The following SGCZ variants were observed in gnomAD, a reference collection of about 807,000 sequenced individuals.
SGCZ encodes zeta-sarcoglycan.
Under a neutral mutation model 41.3 loss-of-function variants are expected in SGCZ, and 40 were observed. The observed-to-expected ratio is 0.97, with a 90% CI of 0.75 to 1.26. The LOEUF is 1.26. Among genes scored for constraint, SGCZ ranks in the 50% most tolerant of loss-of-function variants. The probability of loss-of-function intolerance (pLI) is 0.00; values close to 1 mark genes in which losing one functional copy is unlikely to be tolerated. For synonymous variants in SGCZ, 206 were observed against 137.5 expected, an observed-to-expected ratio of 1.50 and a Z score of -3.49; for missense variants, 552 against 369.8, an observed-to-expected ratio of 1.49 and a Z score of -4.04.
chr8:14,548,825 T>G (rs1353695357), intron 2 of SGCZ, among the ~76,000 whole-genome samples: 2 of 152,136 alleles, frequency 1.3e-5, no homozygotes, highest in African/African-American at 2.4e-5. Flanking sequence ...GGTCAACAAT[T>G]TTCTCAAGAA....
At chr8:14,218,027 A>G (rs898519945) in intron 4 of SGCZ, among the ~76,000 whole-genome samples, 1 of 152,176 alleles carries the variant, frequency 6.6e-6, no homozygotes, top group Non-Finnish European at 1.5e-5. Flanking sequence ...ACATTTTACC[A>G]AAGGGTAAAA....
At chr8:14,554,622 C>T (rs1424045153) in intron 2 of SGCZ, 110 bp downstream of exon 2, 2 of 892,344 alleles carry the variant, frequency 2.2e-6, no homozygotes, top group African/African-American at 1.7e-5. Context: ...TTTAAAAACA[C>T]ACACTTGTAA....
At chr8:14,261,718 T>G (rs183728374) in intron 3 of SGCZ, among the ~76,000 whole-genome samples, 1 of 152,272 alleles carries the variant, frequency 6.6e-6, no homozygotes, top group African/African-American at 2.4e-5. Flanking sequence ...ATCAAACCAT[T>G]CTCACGCTGA....
intron 1 of SGCZ, among the ~76,000 whole-genome samples, chr8:15,040,405 G>C (rs1234021052): frequency 6.6e-6 from 1 of 152,130 alleles, no homozygotes; most frequent in Non-Finnish European, 1.5e-5. Context: ...ACCTGAGGTA[G>C]GAATTCAAGA....
chr8:14,741,083 G>A (rs973338409), intron 1 of SGCZ, among the ~76,000 whole-genome samples: 5 of 152,008 alleles, frequency 3.3e-5, no homozygotes, highest in African/African-American at 1.2e-4. Flanking sequence ...TTGTAAAACT[G>A]CAGTAACTAG....
intron 2 of SGCZ, among the ~76,000 whole-genome samples, chr8:14,428,545 C>T (rs1437693735): frequency 6.6e-6 from 1 of 152,134 alleles, no homozygotes; most frequent in African/African-American, 2.4e-5. Flanking sequence ...TTGGTTATGA[C>T]CATCATATCA....
intron 1 of SGCZ, among the ~76,000 whole-genome samples, chr8:14,977,918 C>T (rs7000841): frequency 0.38 from 55,796 of 145,290 alleles, 11,161 homozygotes; most frequent in Non-Finnish European, 0.44. Context: ...CACATATATA[C>T]ACACACATAT....
At chr8:15,165,830 G>T (rs574876960) in intron 1 of SGCZ, among the ~76,000 whole-genome samples, 13 of 152,278 alleles carry the variant, frequency 8.5e-5, no homozygotes, top group Middle Eastern at 3.4e-3. Flanking sequence ...GAGCTTCTCC[G>T]TGTGAACATA....
chr8:14,280,075 A>G (rs1025269820), intron 3 of SGCZ, among the ~76,000 whole-genome samples: 43 of 151,972 alleles, frequency 2.8e-4, no homozygotes, highest in African/African-American at 9.7e-4. Context: ...TTTTGTTCAA[A>G]TGGGATTAAG....
intron 1 of SGCZ, among the ~76,000 whole-genome samples, chr8:14,975,367 C>T (rs952068787): frequency 2.6e-5 from 4 of 152,206 alleles, no homozygotes; most frequent in Admixed American, 1.3e-4. Flanking sequence ...TGTGTAGCAG[C>T]GTTCCATCGA....
chr8:14,263,699 G>T (rs777460032), intron 3 of SGCZ, among the ~76,000 whole-genome samples: 2 of 152,050 alleles, frequency 1.3e-5, no homozygotes, highest in East Asian at 1.9e-4. Flanking sequence ...AAGTGCCAAG[G>T]TACCCTCACA....
chr8:15,031,066 C>CGT (rs148879486), intron 1 of SGCZ, among the ~76,000 whole-genome samples: 160 of 149,674 alleles, frequency 1.1e-3, no homozygotes, highest in East Asian at 3.9e-3. Context: ...TCATATTTCG[C>CGT]GTGTGTGTGT....
chr8:15,016,834 G>A (rs547266019), intron 1 of SGCZ, among the ~76,000 whole-genome samples: 2 of 152,230 alleles, frequency 1.3e-5, no homozygotes, highest in East Asian at 1.9e-4. Flanking sequence ...TACTCATGGT[G>A]GAAGGCAAAG....
At chr8:14,561,456 C>A (rs1804205264) in intron 1 of SGCZ, among the ~76,000 whole-genome samples, 1 of 152,084 alleles carries the variant, frequency 6.6e-6, no homozygotes, top group African/African-American at 2.4e-5. Context: ...CATAATATTG[C>A]TGTACCTCCC....
chr8:14,208,433 G>C (rs1272547352), intron 4 of SGCZ, among the ~76,000 whole-genome samples: 2 of 152,070 alleles, frequency 1.3e-5, no homozygotes, highest in Non-Finnish European at 2.9e-5. Context: ...TGTCTCTCTA[G>C]AGCAAGTATG....
At chr8:14,963,306 C>A (rs776945447) in intron 1 of SGCZ, among the ~76,000 whole-genome samples, 21 of 151,424 alleles carry the variant, frequency 1.4e-4, no homozygotes, top group Admixed American at 1.4e-3. Context: ...TGGAAGCTAT[C>A]CAGTGAGGTA....
intron 1 of SGCZ, among the ~76,000 whole-genome samples, chr8:14,927,561 G>C (rs982347779): frequency 2.0e-5 from 3 of 152,120 alleles, no homozygotes; most frequent in South Asian, 2.1e-4. Context: ...GAGGGAGAGA[G>C]ACGAAATGAG....
At chr8:14,129,501 C>A in intron 5 of SGCZ, among the ~76,000 whole-genome samples, 1 of 150,896 alleles carries the variant, frequency 6.6e-6, no homozygotes, top group East Asian at 2.0e-4. Context: ...AACCATAACA[C>A]ATTTAAAAAG....
At chr8:14,745,112 T>C in intron 1 of SGCZ, among the ~76,000 whole-genome samples, 1 of 152,208 alleles carries the variant, frequency 6.6e-6, no homozygotes, top group East Asian at 1.9e-4. Context: ...TCCCTGACTG[T>C]AAGTTTCAGT....
Sources: gnomAD v4.1 joint callset for allele counts (sites outside exome capture counted in the v4.1 genomes callset) on GRCh38, gnomAD v4.1.1 for gene constraint, MANE v1.5 for transcripts, NCBI Gene and HGNC (gene_info 2026-07-23, HGNC 2026-07-21) for gene names.